The following YIF1A variants were observed in gnomAD, a reference collection of about 807,000 sequenced individuals.
The protein encoded by YIF1A is Yip1 interacting factor homolog A, membrane trafficking protein.
Under a neutral mutation model 32.6 loss-of-function variants are expected in YIF1A, and 28 were observed. That is an observed-to-expected ratio of 0.86 (90% CI 0.64 to 1.18). The LOEUF (loss-of-function observed/expected upper bound fraction) is 1.18, where lower values mean the gene tolerates loss of function less well. Ranked by LOEUF, YIF1A falls within the 50% of genes most tolerant of loss-of-function variation. The pLI, the probability that YIF1A is intolerant of heterozygous loss-of-function variation, is 0.00. For missense variants in YIF1A, 373 were observed against 390.8 expected (o/e 0.95, Z 0.38); for synonymous variants, 175 against 162.2 (o/e 1.08, Z -0.60).
intron 4 of YIF1A, among the ~76,000 whole-genome samples, chr11:66,286,446 GTC>G (rs1857358111): frequency 6.6e-6 from 1 of 152,168 alleles, no homozygotes; most frequent in African/African-American, 2.4e-5. Flanking sequence ...GCAAAACCCT[GTC>G]TCTACTAAAA....
rs780536897 is a variant in YIF1A, at chr11:66,287,619, C to A, written c.406G>T (p.Ala136Ser). The A allele has an allele frequency of 6.3e-7, 1 of 1,593,436 alleles. No individual in the cohort carries two copies. Among genetic ancestry groups the A allele is most frequent in the Non-Finnish European group, 8.6e-7 (1 of 1,169,346 alleles). The change falls in exon 4 of 8, where the codon GCC becomes TCC. Residue 136 changes from alanine (A) to serine (S), a missense_variant. Ala to Ser is a moderately conservative substitution (Grantham distance 99). Coordinates refer to ENST00000376901, the MANE Select transcript of YIF1A (RefSeq NM_020470.3). ...APLPPRQDLN[A>S]PDLYIPTMAF... is the part of the protein sequence containing the mutation. ...TCACTGGGGATATAGAGGTCAGGGG[C>A]GTTGAGGTCTTGCCGGGGGGGCAGA...
chr11:66,288,036 C>G (rs764807236), intron 2 of YIF1A, 45 bp downstream of exon 2: 2 of 1,610,184 alleles, frequency 1.2e-6, no homozygotes, highest in East Asian at 4.5e-5. Flanking sequence ...ATGCCCCAGC[C>G]CTAGCCAAAA....
Position 66,285,376 on chromosome 11 carries a change from C to T in YIF1A, c.641+5G>A. The T allele has an allele frequency of 1.2e-6, 2 of 1,609,274 alleles. No individual in the cohort carries two copies. Among genetic ancestry groups the T allele is most frequent in the Non-Finnish European group, 8.5e-7 (1 of 1,176,806 alleles). On this transcript the variant is annotated splice_donor_5th_base_variant and intron_variant, in intron 6 of 7. Transcript: ENST00000376901. ...GCCACCTCCCCCTGGCCCACAAGTG[C>T]TCACCCCACGTATTTGTAGCCACTG... is the stretch of plus-strand genomic sequence containing the variant.
In YIF1A at chr11:66,288,259, G is replaced by A. The variant is rs145445555; in HGVS notation, c.65C>T (p.Pro22Leu). The A allele has an allele frequency of 1.2e-6, 2 of 1,613,988 alleles. No individual in the cohort carries two copies. Among genetic ancestry groups the A allele is most frequent in the African/African-American group, 1.3e-5 (1 of 74,940 alleles). The change falls in exon 2 of 8, where the codon CCC (proline) becomes CTC (leucine). Residue 22 changes from proline to leucine, a missense_variant. Pro to Leu is a moderately conservative substitution (Grantham distance 98, BLOSUM62 -3). Coordinates refer to ENST00000376901, the MANE Select transcript of YIF1A (RefSeq NM_020470.3). ...GCTTGTGTCATCGAAGAGGGGAGGG[G>A]GATCCGGGGCTGCCCGGGCCCTGTG... ...SKHRARAAPD[P>L]PPLFDDTSGG... is the part of the protein sequence containing the mutation.
intron 4 of YIF1A, among the ~76,000 whole-genome samples, chr11:66,286,105 A>G (rs2134887729): frequency 6.6e-6 from 1 of 152,254 alleles, no homozygotes; most frequent in East Asian, 1.9e-4. Context: ...CAAGACCAGA[A>G]GCCAGGTTCA....
Position 66,284,863 on chromosome 11 carries a change from C to G in YIF1A, c.735+10G>C. The stretch of plus-strand genomic sequence containing the variant: ...GAAGGCAGGGGAATGGGGGGGTGCA[C>G]CAGACTCACAATGAAGTACATGAGC... On this transcript the variant is annotated intron_variant, in intron 7 of 7. Transcript: ENST00000376901. The G allele has an allele frequency of 1.2e-6, 2 of 1,613,024 alleles. No homozygotes were observed.
In YIF1A at chr11:66,285,538, T is replaced by G. The variant is rs1192854880; in HGVS notation, c.486-2A>C. The G allele has an allele frequency of 6.2e-7, 1 of 1,612,780 alleles. No individual in the cohort carries two copies. The highest frequency in any genetic ancestry group is 8.5e-7 in the Non-Finnish European group (1 of 1,179,966). On this transcript the variant is annotated splice_acceptor_variant, in intron 5 of 7. Transcript: ENST00000376901. LOFTEE classifies it high-confidence loss of function. Reference sequence around the variant, plus strand: ...AGGCCCAGCACCTCCGGGGAGAACCTGCGCCAAAGCAGGGGTGGCTCAGAG... The same window carrying G: ...AGGCCCAGCACCTCCGGGGAGAACCGGCGCCAAAGCAGGGGTGGCTCAGAG...
Position 66,288,397 on chromosome 11 carries a change from C to T in YIF1A, c.32-105G>A, listed in dbSNP as rs550499450. The T allele has an allele frequency of 1.6e-3, 2,197 of 1,389,424 alleles. 21 individuals carry two copies. The highest frequency in any genetic ancestry group is 1.5e-3 in the South Asian group (125 of 80,926). The allele number at this position is 1,389,424 out of a possible 1,614,324, so 86.1% of individuals were successfully genotyped here. ...AGCCCTGCACGGGTCCTGGAGGCAC[C>T]GATCAGTGAGGGGACCCCAAGCTGG... On this transcript the variant is annotated intron_variant, in intron 1 of 7. Coordinates refer to ENST00000376901, the MANE Select transcript of YIF1A (RefSeq NM_020470.3).
In YIF1A at chr11:66,284,689, GCAGCTCCCAGAGT is replaced by G; in HGVS notation, c.817_829del (p.Thr273GlnfsTer11). ...GTATATGATGAGGGGCTGGAAGGCT[GCAGCTCCCAGAGT>G]CAGGTAGAGCTGGAGACGCTGCCGG... On this transcript the variant is annotated frameshift_variant, in exon 8 of 8. Transcript: ENST00000376901. LOFTEE classifies it high-confidence loss of function. The G allele has an allele frequency of 6.2e-7, 1 of 1,612,788 alleles. No individual in the cohort carries two copies. Among genetic ancestry groups the G allele is most frequent in the Non-Finnish European group, 8.5e-7 (1 of 1,179,934 alleles).
chr11:66,285,611 G>A (rs773535411), intron 5 of YIF1A, 75 bp from the exon 6 acceptor site: 1 of 1,610,302 alleles, frequency 6.2e-7, no homozygotes, highest in Non-Finnish European at 8.5e-7. Context: ...GGGCAACAGA[G>A]GGTGAGCTGG....
At chr11:66,285,036 C>T (rs984112915) in intron 6 of YIF1A, 70 bp from the exon 7 acceptor site, 35 of 1,506,570 alleles carry the variant, frequency 2.3e-5, no homozygotes, top group Middle Eastern at 1.9e-4. Flanking sequence ...CTACCCCCAA[C>T]GCCCAGAGCC....
chr11:66,287,941 G>A, intron 2 of YIF1A, 25 bp from the exon 3 acceptor site: 15 of 1,610,764 alleles, frequency 9.3e-6, no homozygotes, highest in Non-Finnish European at 1.2e-5. Context: ...AGGAAGCTGT[G>A]GGCAAGCCGC....
chr11:66,287,602 G>C lies in YIF1A; in HGVS notation c.423C>G (p.Ile141Met), dbSNP rs751182281. The change falls in exon 4 of 8, where the codon ATC becomes ATG. Residue 141 changes from isoleucine (I) to methionine (M), a missense_variant. Physicochemically the swap from Ile to Met is conservative, Grantham distance 10. Transcript: ENST00000376901. The part of the protein sequence containing the change: ...RQDLNAPDLY[I>M]PTMAFITYVL... ...CAGCCCAGGTTGGAGACTCACTGGG[G>C]ATATAGAGGTCAGGGGCGTTGAGGT... is the stretch of plus-strand genomic sequence containing the variant. 1 of 1,613,264 alleles carries C rather than the reference G, an allele frequency of 6.2e-7. No individual in the cohort carries two copies. The highest frequency in any genetic ancestry group is 8.5e-7 in the Non-Finnish European group (1 of 1,179,840).
In YIF1A at chr11:66,288,289, G is replaced by C. The variant is rs1163478197; in HGVS notation, c.35C>G (p.Ser12Cys). ...CGGGGCTGCCCGGGCCCTGTGCTTG[G>C]AGCCTGTGGGTTTGGAGGTATCAGA... ...AYHSGYGAHGSKHRARAAPDP... is the reference protein window; with the variant it reads ...AYHSGYGAHGCKHRARAAPDP... The change falls in exon 2 of 8, where the codon TCC (serine) becomes TGC (cysteine). Residue 12 changes from serine (S) to cysteine (C), a missense_variant. Transcript: ENST00000376901. The C allele has an allele frequency of 3.7e-6, 6 of 1,614,020 alleles. No individual in the cohort carries two copies. Among genetic ancestry groups the C allele is most frequent in the Non-Finnish European group, 5.1e-6 (6 of 1,180,020 alleles).
chr11:66,287,756 G>A, intron 3 of YIF1A, 56 bp downstream of exon 3: 2 of 1,609,216 alleles, frequency 1.2e-6, no homozygotes, highest in Non-Finnish European at 1.7e-6. Flanking sequence ...GAGGTCTGGG[G>A]GCCAGACTCG....
At chr11:66,285,301 A>G in intron 6 of YIF1A, 80 bp downstream of exon 6, 1 of 1,554,592 alleles carries the variant, frequency 6.4e-7, no homozygotes, top group Non-Finnish European at 8.7e-7. Flanking sequence ...GGGCCGAGAC[A>G]TGTCCAGGGT....
intron 4 of YIF1A, chr11:66,287,140 CGAT>C (rs1475162875): frequency 6.1e-6 from 1 of 164,632 alleles, no homozygotes; most frequent in Non-Finnish European, 1.3e-5. Flanking sequence ...CAAGCAATAA[CGAT>C]GATAAGAGTT....
rs761623270 is a variant in YIF1A at position 66,284,853 on chromosome 11, G to A, written c.735+20C>T. The A allele has an allele frequency of 9.3e-6, 15 of 1,612,954 alleles. No homozygotes were observed. The highest frequency in any genetic ancestry group is 1.3e-5 in the Non-Finnish European group (15 of 1,179,890). Reference sequence around the variant, plus strand: ...GCCCTCAAGTGAAGGCAGGGGAATGGGGGGGTGCACCAGACTCACAATGAA... The same window carrying A: ...GCCCTCAAGTGAAGGCAGGGGAATGAGGGGGTGCACCAGACTCACAATGAA... On this transcript the variant is annotated intron_variant, in intron 7 of 7. Coordinates refer to ENST00000376901, the MANE Select transcript of YIF1A (RefSeq NM_020470.3).
At chr11:66,285,802 CAG>C (rs769879250) in intron 4 of YIF1A, 44 bp from the exon 5 acceptor site, 6 of 1,607,234 alleles carry the variant, frequency 3.7e-6, no homozygotes, top group Non-Finnish European at 5.1e-6. Flanking sequence ...CTTCCTCCAT[CAG>C]AGCTGCCTTA....
Sources: gnomAD v4.1 joint callset for allele counts (sites outside exome capture counted in the v4.1 genomes callset) on GRCh38, gnomAD v4.1.1 for gene constraint, MANE v1.5 for transcripts, NCBI Gene and HGNC (gene_info 2026-07-23, HGNC 2026-07-21) for gene names.